The following VAV3 variants were observed in gnomAD, a reference collection of about 807,000 sequenced individuals.
The protein encoded by VAV3 is vav guanine nucleotide exchange factor 3, also known as guanine nucleotide exchange factor VAV3.
A neutral mutation model predicts 131.2 loss-of-function variants in VAV3; 94 were observed. The ratio of observed to expected loss-of-function variants is 0.72; its 90% CI spans 0.61 to 0.85. VAV3 has a LOEUF of 0.85. Among genes scored for constraint, VAV3 ranks in the 40% least tolerant of loss-of-function variants. The pLI is 0.00. For synonymous variants in VAV3, 349 were observed against 342.0 expected (o/e 1.02, Z -0.22); for missense variants, 939 against 1,002.7 (o/e 0.94, Z 0.86).
At chr1:107,922,885 G>C (rs958271971) in intron 1 of VAV3, among the ~76,000 whole-genome samples, 9 of 151,394 alleles carry the variant, frequency 5.9e-5, no homozygotes, top group Admixed American at 2.6e-4. Flanking sequence ...CCGGGAGGCG[G>C]AGCTTGCAGT....
At chr1:107,708,198 G>GA (rs760754598) in intron 15 of VAV3, among the ~76,000 whole-genome samples, 1,942 of 148,982 alleles carry the variant, frequency 0.013, 15 homozygotes, top group Middle Eastern at 0.041. Flanking sequence ...AGTTGAGGAA[G>GA]AAAAAAAAAA....
chr1:107,584,035 C>G (rs1157026719), intron 25 of VAV3, among the ~76,000 whole-genome samples: 1 of 152,140 alleles, frequency 6.6e-6, no homozygotes, highest in Admixed American at 6.5e-5. Flanking sequence ...ACCAAAACAG[C>G]ATGGTACTGG....
At chr1:107,739,697 A>G (rs970256701) in intron 15 of VAV3, among the ~76,000 whole-genome samples, 1 of 152,250 alleles carries the variant, frequency 6.6e-6, no homozygotes, top group African/African-American at 2.4e-5. Context: ...CAGACAGTTT[A>G]TAGACATATT....
chr1:107,834,510 C>G (rs78326196), intron 2 of VAV3, among the ~76,000 whole-genome samples: 12,496 of 151,812 alleles, frequency 0.082, 728 homozygotes, highest in East Asian at 0.23. Context: ...TTTGATAACT[C>G]TACACAATAG....
intron 1 of VAV3, among the ~76,000 whole-genome samples, chr1:107,934,814 C>T (rs564015567): frequency 6.6e-6 from 1 of 152,338 alleles, no homozygotes; most frequent in African/African-American, 2.4e-5. Context: ...TTGTGAATCA[C>T]TGTGTTGTTA....
At chr1:107,962,466 CATTT>C (rs1274829385) in intron 1 of VAV3, among the ~76,000 whole-genome samples, 6 of 152,122 alleles carry the variant, frequency 3.9e-5, no homozygotes, top group Non-Finnish European at 5.9e-5. Context: ...TAATAGTAAA[CATTT>C]ATTAAGTACA....
intron 2 of VAV3, among the ~76,000 whole-genome samples, chr1:107,784,017 GC>G (rs775037944): frequency 3.3e-4 from 50 of 151,934 alleles, no homozygotes; most frequent in Non-Finnish European, 6.8e-4. Context: ...CTGAGATAGT[GC>G]CACTGCACTC....
Position 107,854,692 on chromosome 1 carries a change from A to G in VAV3, c.321+20209T>C, listed in dbSNP as rs142756796. ...TGCTCGACCACTTTTGCAGTATGTC[A>G]TAATGACCTCCCTGACCTTGAGACT... On this transcript the variant is annotated intron_variant, in intron 2 of 26. Coordinates refer to ENST00000370056, the MANE Select transcript of VAV3 (RefSeq NM_006113.5). 4.3e-3 allele frequency among the ~76,000 whole-genome samples: 660 copies of G among 152,290 alleles called. 4 individuals carry two copies. Among genetic ancestry groups the G allele is most frequent in the African/African-American group, 0.015 (625 of 41,560 alleles).
chr1:107,922,912 A>C (rs1441998848), intron 1 of VAV3, among the ~76,000 whole-genome samples: 1 of 150,386 alleles, frequency 6.6e-6, no homozygotes, highest in African/African-American at 2.5e-5. Flanking sequence ...AGATCGCGCC[A>C]CTGCACTCCA....
intron 25 of VAV3, among the ~76,000 whole-genome samples, chr1:107,588,277 AT>A: frequency 6.6e-6 from 1 of 152,392 alleles, no homozygotes; most frequent in African/African-American, 2.4e-5. Flanking sequence ...AGAGAGAAGA[AT>A]ATAAAAATGT....
At chr1:107,950,640 G>A (rs1011012040) in intron 1 of VAV3, among the ~76,000 whole-genome samples, 2 of 152,180 alleles carry the variant, frequency 1.3e-5, no homozygotes, top group East Asian at 3.8e-4. Flanking sequence ...CACGGGCAAG[G>A]GCAGCAAAGC....
At chr1:107,640,157 A>C (rs530879623) in intron 20 of VAV3, among the ~76,000 whole-genome samples, 1 of 152,314 alleles carries the variant, frequency 6.6e-6, no homozygotes, top group African/African-American at 2.4e-5. Flanking sequence ...CATACAAAGA[A>C]TTATATTTGA....
chr1:107,876,663 A>G (rs1406483199), intron 1 of VAV3, among the ~76,000 whole-genome samples: 2 of 152,138 alleles, frequency 1.3e-5, no homozygotes, highest in African/African-American at 4.8e-5. Flanking sequence ...TTAAAAAAAC[A>G]AAAGTTAAAA....
chr1:107,836,364 A>T (rs1015847035), intron 2 of VAV3, among the ~76,000 whole-genome samples: 2 of 152,230 alleles, frequency 1.3e-5, no homozygotes, highest in Non-Finnish European at 2.9e-5. Context: ...AAATCAAAAA[A>T]TCTTTGAAAT....
At chr1:107,611,767 C>T (rs1447651775) in intron 21 of VAV3, among the ~76,000 whole-genome samples, 2 of 152,098 alleles carry the variant, frequency 1.3e-5, no homozygotes, top group African/African-American at 4.8e-5. Context: ...GAGGCTGTTC[C>T]ACCCTGGTGT....
intron 1 of VAV3, among the ~76,000 whole-genome samples, chr1:107,904,371 T>C (rs1214220518): frequency 6.6e-6 from 1 of 152,240 alleles, no homozygotes; most frequent in Non-Finnish European, 1.5e-5. Context: ...ATGTCTTCAT[T>C]TCCTTGGTTC....
intron 2 of VAV3, among the ~76,000 whole-genome samples, chr1:107,804,491 C>G (rs569557825): frequency 3.9e-5 from 6 of 152,230 alleles, no homozygotes; most frequent in African/African-American, 1.4e-4. Context: ...GACAACTTAT[C>G]ACAGATCACC....
intron 2 of VAV3, among the ~76,000 whole-genome samples, chr1:107,782,145 T>C (rs1159071402): frequency 6.6e-6 from 1 of 152,200 alleles, no homozygotes; most frequent in African/African-American, 2.4e-5. Flanking sequence ...CACTACTTAA[T>C]AACAAGAAAA....
chr1:107,573,380 A>C lies in VAV3; in HGVS notation c.2503-8T>G. The C allele has an allele frequency of 6.2e-7, 1 of 1,614,140 alleles. No individual in the cohort carries two copies. Among genetic ancestry groups the C allele is most frequent in the Non-Finnish European group, 8.5e-7 (1 of 1,180,014 alleles). On this transcript the variant is annotated splice_region_variant and splice_polypyrimidine_tract_variant and intron_variant, in intron 26 of 26. Coordinates refer to ENST00000370056, the MANE Select transcript of VAV3 (RefSeq NM_006113.5). The stretch of plus-strand genomic sequence containing the variant: ...GGATGGAAACCAGCCCACCTAAAAA[A>C]GAAAAGCAACCAACACAGCAACATG...
Sources: gnomAD v4.1 joint callset for allele counts (sites outside exome capture counted in the v4.1 genomes callset) on GRCh38, gnomAD v4.1.1 for gene constraint, MANE v1.5 for transcripts, NCBI Gene and HGNC (gene_info 2026-07-23, HGNC 2026-07-21) for gene names.